ARHGEF3: variants seen among roughly 807,000 people sequenced by gnomAD.
ARHGEF3 encodes the protein 59.8 kDA protein.
Under a neutral mutation model 63.2 loss-of-function variants are expected in ARHGEF3, and 28 were observed. That is an observed-to-expected ratio of 0.44 (90% CI 0.33 to 0.61). ARHGEF3 has a LOEUF of 0.61. ARHGEF3 is among the 20% of genes least tolerant of loss of function. The pLI, the probability that ARHGEF3 is intolerant of heterozygous loss-of-function variation, is 0.03. For synonymous variants in ARHGEF3, 266 were observed against 254.2 expected (o/e 1.05, Z -0.44); for missense variants, 533 against 659.3 (o/e 0.81, Z 2.10).
intron 1 of ARHGEF3, among the ~76,000 whole-genome samples, chr3:57,054,096 G>A (rs1358132725): frequency 5.3e-5 from 8 of 152,140 alleles, no homozygotes; most frequent in Non-Finnish European, 1.0e-4. Flanking sequence ...TTTCCAAAAT[G>A]GTTGTACCAA....
At chr3:56,833,614 A>C (rs2039002290) in intron 4 of ARHGEF3, among the ~76,000 whole-genome samples, 2 of 152,180 alleles carry the variant, frequency 1.3e-5, no homozygotes, top group African/African-American at 2.4e-5. Flanking sequence ...GGATATTTAC[A>C]GATTTTCCTT....
intron 1 of ARHGEF3, among the ~76,000 whole-genome samples, chr3:56,798,491 G>C (rs2037476781): frequency 6.7e-6 from 1 of 150,372 alleles, no homozygotes; most frequent in Non-Finnish European, 1.5e-5. Context: ...AGCTTCCTTA[G>C]CCAATGTGTG....
At chr3:56,756,881 G>T (rs1331449437) in intron 2 of ARHGEF3, among the ~76,000 whole-genome samples, 1 of 152,146 alleles carries the variant, frequency 6.6e-6, no homozygotes, top group Non-Finnish European at 1.5e-5. Flanking sequence ...CCCTCGGGAT[G>T]TAACTCAAAC....
intron 3 of ARHGEF3, among the ~76,000 whole-genome samples, chr3:56,928,471 T>C (rs746202200): frequency 6.6e-5 from 10 of 152,090 alleles, no homozygotes; most frequent in Non-Finnish European, 1.3e-4. Flanking sequence ...CTCCCCCTCA[T>C]TACCTCCCAC....
intron 3 of ARHGEF3, chr3:56,940,879 C>T (rs990543100): frequency 3.3e-5 from 5 of 152,148 alleles, no homozygotes; most frequent in South Asian, 2.1e-4. Flanking sequence ...ATTTTCCATA[C>T]CTATTTTGCA....
intron 2 of ARHGEF3, chr3:56,960,577 T>G (rs979949836): frequency 6.6e-6 from 1 of 152,220 alleles, no homozygotes; most frequent in African/African-American, 2.4e-5. Context: ...TCTCAACACC[T>G]AGCTCCAAGA....
chr3:57,073,683 G>T, intron 1 of ARHGEF3: 2 of 1,600,460 alleles, frequency 1.2e-6, no homozygotes, highest in South Asian at 2.2e-5. Flanking sequence ...TTCTGTTTTT[G>T]ACTTGGGCCC....
intron 3 of ARHGEF3, among the ~76,000 whole-genome samples, chr3:56,889,054 C>T (rs951482129): frequency 3.3e-5 from 5 of 152,016 alleles, no homozygotes; most frequent in Non-Finnish European, 7.4e-5. Flanking sequence ...TTGCCAGAGA[C>T]TCGTTACTGC....
At chr3:56,794,254 G>A (rs1467561349) in intron 1 of ARHGEF3, among the ~76,000 whole-genome samples, 2 of 152,064 alleles carry the variant, frequency 1.3e-5, no homozygotes, top group Non-Finnish European at 2.9e-5. Flanking sequence ...TTGGGAGGCC[G>A]AGGGGGGTGG....
chr3:56,768,667 CA>C (rs770390697), intron 2 of ARHGEF3, among the ~76,000 whole-genome samples: 4,308 of 44,042 alleles, frequency 0.098, 157 homozygotes, highest in East Asian at 0.27. Context: ...AAGCAAAATG[CA>C]AAAAAAAAAA....
At chr3:57,056,347 A>G (rs1231370771) in intron 1 of ARHGEF3, among the ~76,000 whole-genome samples, 1 of 145,336 alleles carries the variant, frequency 6.9e-6, no homozygotes, top group African/African-American at 2.6e-5. Flanking sequence ...AGATTGTGCC[A>G]CTGCACTCCA....
chr3:57,018,881 G>A (rs762943141), intron 2 of ARHGEF3, among the ~76,000 whole-genome samples: 3 of 151,976 alleles, frequency 2.0e-5, no homozygotes, highest in African/African-American at 4.8e-5. Context: ...CCTTGCCCAA[G>A]GTCATAAAAC....
intron 2 of ARHGEF3, among the ~76,000 whole-genome samples, chr3:56,965,388 C>T (rs866936891): frequency 6.6e-6 from 1 of 151,968 alleles, no homozygotes; most frequent in South Asian, 2.1e-4. Flanking sequence ...AAATAGAAAG[C>T]CTGAATAGCC....
chr3:57,044,424 G>A (rs1404585920), intron 1 of ARHGEF3, among the ~76,000 whole-genome samples: 1 of 152,228 alleles, frequency 6.6e-6, no homozygotes, highest in African/African-American at 2.4e-5. Flanking sequence ...AAAGGAAGAT[G>A]CATGCTGGGG....
At position 57,049,493 on chromosome 3, in the gene ARHGEF3, G is replaced by A. The variant is rs368670707; in HGVS notation, c.-27-14317C>T. Among the ~76,000 whole-genome samples the A allele has an allele frequency of 5.2e-4, 79 of 152,324 alleles. 1 individual carries two copies. The East Asian group carries it at 0.012, about 22-fold the overall frequency. ...ATCTGTGGGAGATGTGAGACCATAC[G>A]GTTGTTAGTGGTTCATTCATTCCAG... On this transcript the variant is annotated intron_variant, in intron 1 of 12. Coordinates refer to the ARHGEF3 transcript ENST00000338458.
intron 3 of ARHGEF3, among the ~76,000 whole-genome samples, chr3:56,927,083 A>G (rs996552150): frequency 4.6e-5 from 7 of 152,250 alleles, no homozygotes; most frequent in African/African-American, 1.7e-4. Context: ...TAAGCCAGAT[A>G]ACCTGGGTTC....
At chr3:57,001,187 G>A (rs190289602) in intron 2 of ARHGEF3, among the ~76,000 whole-genome samples, 11 of 152,264 alleles carry the variant, frequency 7.2e-5, no homozygotes, top group Admixed American at 4.6e-4. Flanking sequence ...CAATCCACCT[G>A]CTTCAGCCTT....
At chr3:56,885,916 C>T (rs867292488) in intron 3 of ARHGEF3, among the ~76,000 whole-genome samples, 4 of 152,204 alleles carry the variant, frequency 2.6e-5, no homozygotes, top group East Asian at 1.9e-4. Flanking sequence ...GGGCTCAGAA[C>T]GAAAATTTCA....
At position 56,861,571 on chromosome 3, in the gene ARHGEF3, T is replaced by A. The variant is rs139939136; in HGVS notation, c.192+20721A>T. Among the ~76,000 whole-genome samples, 3 of 152,112 alleles carry A rather than the reference T, an allele frequency of 2.0e-5. No homozygotes were observed. In the East Asian group the frequency reaches 5.8e-4, roughly 29 times the overall value. Reference sequence around the variant, plus strand: ...TCAAAGTTCCCTGAGCCCGGGATTTTCTCTCTTGATACATTTACAGAAGGG... The same window carrying A: ...TCAAAGTTCCCTGAGCCCGGGATTTACTCTCTTGATACATTTACAGAAGGG... On this transcript the variant is annotated intron_variant, in intron 4 of 12. Coordinates refer to the ARHGEF3 transcript ENST00000338458.
Sources: allele counts gnomAD v4.1 joint callset (sites outside exome capture counted in the v4.1 genomes callset), GRCh38; gene constraint gnomAD v4.1.1; transcripts MANE v1.5; gene names NCBI Gene and HGNC (gene_info 2026-07-23, HGNC 2026-07-21).